The following DNAH7 variants were observed in gnomAD, a reference collection of about 807,000 sequenced individuals.
DNAH7 encodes axonemal beta dynein heavy chain 7.
Under a neutral mutation model 444.6 loss-of-function variants are expected in DNAH7, and 397 were observed. That is an observed-to-expected ratio of 0.89 (90% confidence interval 0.82 to 0.97). The LOEUF (loss-of-function observed/expected upper bound fraction) is 0.97. Ranked by LOEUF, DNAH7 falls within the 50% of genes least tolerant of loss-of-function variation. The pLI is 0.00. For synonymous variants in DNAH7, 1,636 were observed against 1,624.4 expected (o/e 1.01, Z -0.17); for missense variants, 4,902 against 4,800.8 (o/e 1.02, Z -0.62).
At chr2:195,943,400 C>T (rs2125445789) in intron 19 of DNAH7, among the ~76,000 whole-genome samples, 1 of 152,234 alleles carries the variant, frequency 6.6e-6, no homozygotes, top group Middle Eastern at 3.4e-3. Context: ...TGTGTGGAAA[C>T]TGTGATAATG....
intron 24 of DNAH7, among the ~76,000 whole-genome samples, chr2:195,915,334 GA>G (rs2125323567): frequency 6.6e-6 from 1 of 152,290 alleles, no homozygotes; most frequent in South Asian, 2.1e-4. Flanking sequence ...AAAAGAAAGG[GA>G]GAGAACTTGC....
intron 51 of DNAH7, among the ~76,000 whole-genome samples, chr2:195,811,645 C>A (rs1047064267): frequency 6.6e-6 from 1 of 152,090 alleles, no homozygotes; most frequent in Non-Finnish European, 1.5e-5. Flanking sequence ...GCCACCCCAC[C>A]CAGCCAAAAG....
chr2:195,794,600 T>C (rs890901461), intron 56 of DNAH7, 62 bp from the exon 57 acceptor site: 2 of 1,503,554 alleles, frequency 1.3e-6, no homozygotes, highest in Non-Finnish European at 1.8e-6. Flanking sequence ...CTCAAAAGCA[T>C]ACATATGAAG....
At chr2:195,937,170 C>A (rs1271683662) in intron 19 of DNAH7, among the ~76,000 whole-genome samples, 1 of 152,024 alleles carries the variant, frequency 6.6e-6, no homozygotes, top group African/African-American at 2.4e-5. Context: ...AATAAGTCAT[C>A]ATTATAATTA....
chr2:195,778,639 A>AAAAAAAAAAT (rs1559089662), intron 58 of DNAH7, among the ~76,000 whole-genome samples: 2 of 51,712 alleles, frequency 3.9e-5, no homozygotes, highest in African/African-American at 9.9e-5. Context: ...AAAATAAATA[A>AAAAAAAAAAT]ATAAATATAT....
chr2:195,816,814 G>A lies in DNAH7; in HGVS notation c.9575C>T (p.Thr3192Ile). 6.2e-7 allele frequency: 1 copy of A among 1,614,156 alleles called. No homozygotes were observed. Among genetic ancestry groups the A allele is most frequent in the Non-Finnish European group, 8.5e-7 (1 of 1,180,010 alleles). ...GCGGGTGGTGTCAATCTTTTTCTCT[G>A]TCTCTTCGGCTACTTCCTGCTTCTG... ...ISQKQEVAEE[T>I]EKKIDTTRMG... The change falls in exon 51 of 65, where the codon ACA becomes ATA. Residue 3192 changes from threonine (T) to isoleucine (I), a missense_variant. Transcript: ENST00000312428.
chr2:195,988,083 TA>T lies in DNAH7; in HGVS notation c.1499del (p.Leu500Ter). ...CATCTCGCTCAGCTTTTCTGGTAAT[TA>T]AAAAGTCATACTTGTCATAGAGTCT... The part of the protein sequence containing the change: ...HLRLYDKYDF[L>X]ITRKAERDVD... On this transcript the variant is annotated frameshift_variant, in exon 13 of 65. Coordinates refer to ENST00000312428, the MANE Select transcript of DNAH7 (RefSeq NM_018897.3). LOFTEE classifies it high-confidence loss of function. 1 of 1,613,772 alleles carries T rather than the reference TA, an allele frequency of 6.2e-7. No individual in the cohort carries two copies. Among genetic ancestry groups the T allele is most frequent in the South Asian group, 1.1e-5 (1 of 91,060 alleles).
intron 7 of DNAH7, among the ~76,000 whole-genome samples, chr2:196,024,946 G>GA (rs1454522917): frequency 1.3e-5 from 2 of 149,974 alleles, no homozygotes; most frequent in Non-Finnish European, 3.0e-5. Flanking sequence ...AAAATATTCA[G>GA]AAAAAATAAT....
chr2:195,941,267 A>G (rs1689418342), intron 19 of DNAH7, among the ~76,000 whole-genome samples: 1 of 152,142 alleles, frequency 6.6e-6, no homozygotes, highest in Non-Finnish European at 1.5e-5. Flanking sequence ...AAACTAACAC[A>G]GGAACAGAAA....
chr2:196,057,587 T>C (rs1021464956), intron 2 of DNAH7, among the ~76,000 whole-genome samples: 1 of 152,218 alleles, frequency 6.6e-6, no homozygotes, highest in Non-Finnish European at 1.5e-5. Context: ...TCCAAGATCA[T>C]ACACTTAAAA....
chr2:195,984,615 G>A lies in DNAH7; in HGVS notation c.1833+17C>T. On this transcript the variant is annotated intron_variant, in intron 15 of 64. Transcript: ENST00000312428. ...TAATTGATACACACACAATTATGGA[G>A]AAGCTATAAACAATACCTTCATTTC... The A allele has an allele frequency of 6.2e-7, 1 of 1,607,238 alleles. No homozygotes were observed. Among genetic ancestry groups the A allele is most frequent in the Non-Finnish European group, 8.5e-7 (1 of 1,174,302 alleles).
chr2:195,935,069 A>G lies in DNAH7; in HGVS notation c.3273-280T>C, dbSNP rs1688958862. Among the ~76,000 whole-genome samples, 4 of 152,232 alleles carry G rather than the reference A, an allele frequency of 2.6e-5. No individual in the cohort carries two copies. In the South Asian group the frequency reaches 8.3e-4, roughly 32 times the overall value. The stretch of plus-strand genomic sequence containing the variant: ...AGACAACCACGAGGCTTTGTCTTCA[A>G]TACAATGAATTAAAAGATGCTAAAG... On this transcript the variant is annotated intron_variant, in intron 20 of 64. Transcript: ENST00000312428.
rs866138145 is a variant in DNAH7 at position 196,048,115 on chromosome 2, C to G, written c.250+181G>C. The stretch of plus-strand genomic sequence containing the variant: ...CAGCTCTTATAGCATTTACAACAGC[C>G]TAAAATAACTGAGAACTACAATCAA... On this transcript the variant is annotated intron_variant, in intron 4 of 64. Coordinates refer to ENST00000312428, the MANE Select transcript of DNAH7 (RefSeq NM_018897.3). Among the ~76,000 whole-genome samples the G allele has an allele frequency of 5.9e-5, 9 of 152,278 alleles. No homozygotes were observed. In the South Asian group the frequency reaches 1.9e-3, roughly 32 times the overall value.
rs1574637591 is a variant in DNAH7 at position 195,875,734 on chromosome 2, T to G, written c.6227A>C (p.Lys2076Thr). The change falls in exon 38 of 65, where the codon AAA (lysine) becomes ACA (threonine). Residue 2076 changes from lysine (K) to threonine (T), a missense_variant. Lys to Thr is a moderately conservative substitution (Grantham distance 78, BLOSUM62 -1). Coordinates refer to ENST00000312428, the MANE Select transcript of DNAH7 (RefSeq NM_018897.3). Reference protein sequence around the residue: ...WLDHWNWYDLKDCSMIKLVDI... With the variant: ...WLDHWNWYDLTDCSMIKLVDI... The stretch of plus-strand genomic sequence containing the variant: ...CACTAGTTTAATCATGGAACAATCT[T>G]TTAGATCATACCAGTTCCAGTGGTC... 2 of 1,612,756 alleles carry G rather than the reference T, an allele frequency of 1.2e-6. No homozygotes were observed. The highest frequency in any genetic ancestry group is 1.3e-5 in the African/African-American group (1 of 74,994).
intron 5 of DNAH7, among the ~76,000 whole-genome samples, chr2:196,041,941 G>T (rs1696790718): frequency 6.6e-6 from 1 of 151,928 alleles, no homozygotes; most frequent in South Asian, 2.1e-4. Flanking sequence ...TGTACATATG[G>T]CCAACAGATG....
chr2:195,944,798 C>T (rs773019546), intron 19 of DNAH7, among the ~76,000 whole-genome samples: 1 of 152,070 alleles, frequency 6.6e-6, no homozygotes, highest in Non-Finnish European at 1.5e-5. Context: ...TTTCTGACCA[C>T]ATCTTGAGCA....
chr2:195,915,764 C>A (rs1386387878), intron 24 of DNAH7, among the ~76,000 whole-genome samples: 2 of 152,026 alleles, frequency 1.3e-5, no homozygotes, highest in Non-Finnish European at 1.5e-5. Context: ...ACTATTTTTT[C>A]TCTTGGATTC....
intron 12 of DNAH7, chr2:195,998,719 T>C (rs1375068882): frequency 6.0e-6 from 1 of 166,594 alleles, no homozygotes; most frequent in Non-Finnish European, 1.3e-5. Flanking sequence ...ATGCAATAGA[T>C]GAACTAGAAT....
At chr2:195,984,473 G>A (rs1489580100) in intron 15 of DNAH7, among the ~76,000 whole-genome samples, 159 bp downstream of exon 15, 4 of 151,942 alleles carry the variant, frequency 2.6e-5, no homozygotes, top group African/African-American at 7.3e-5. Flanking sequence ...TCAGCCTCCC[G>A]AGTAGCTGGG....
Sources: gnomAD v4.1 joint callset for allele counts (sites outside exome capture counted in the v4.1 genomes callset) on GRCh38, gnomAD v4.1.1 for gene constraint, MANE v1.5 for transcripts, NCBI Gene and HGNC (gene_info 2026-07-23, HGNC 2026-07-21) for gene names.